The following STAG1 variants were observed in gnomAD, a reference collection of about 807,000 sequenced individuals.
STAG1 encodes cohesin subunit SA-1.
In STAG1, 26 loss-of-function variants were observed where a neutral mutation model predicts 170.9. The ratio of observed to expected loss-of-function variants is 0.15; its 90% CI spans 0.11 to 0.21. The LOEUF (loss-of-function observed/expected upper bound fraction) is 0.21, where lower values mean the gene tolerates loss of function less well. Among genes scored for constraint, STAG1 ranks in the 10% least tolerant of loss-of-function variants. The probability of loss-of-function intolerance (pLI) is 1.00; values close to 1 mark genes in which losing one functional copy is unlikely to be tolerated. For missense variants in STAG1, 964 were observed against 1,509.5 expected (o/e 0.64, Z 5.99); for synonymous variants, 514 against 497.7 (o/e 1.03, Z -0.44).
At chr3:136,419,278 A>T (rs1428360336) in intron 20 of STAG1, among the ~76,000 whole-genome samples, 1 of 152,174 alleles carries the variant, frequency 6.6e-6, no homozygotes, top group Non-Finnish European at 1.5e-5. Flanking sequence ...AAAGGCTTAG[A>T]TTTTGGAAAC....
intron 6 of STAG1, among the ~76,000 whole-genome samples, chr3:136,531,765 T>G (rs1174092200): frequency 5.3e-4 from 32 of 60,494 alleles, no homozygotes; most frequent in Admixed American, 5.9e-4. Context: ...TGTTGTGGGG[T>G]GCGGGGAGGG....
At chr3:136,742,702 A>G (rs28489907) in intron 1 of STAG1, among the ~76,000 whole-genome samples, 58,798 of 149,392 alleles carry the variant, frequency 0.39, 12,487 homozygotes, top group African/African-American at 0.55. Context: ...GTGACAGAGC[A>G]AGACTCCATC....
At chr3:136,531,062 G>A (rs1313793603) in intron 6 of STAG1, among the ~76,000 whole-genome samples, 6 of 152,156 alleles carry the variant, frequency 3.9e-5, no homozygotes, top group East Asian at 1.9e-4. Flanking sequence ...CCGAGATCAC[G>A]CACTGCACTC....
chr3:136,459,309 A>G (rs1489188062), intron 13 of STAG1, among the ~76,000 whole-genome samples: 1 of 152,180 alleles, frequency 6.6e-6, no homozygotes, highest in Non-Finnish European at 1.5e-5. Flanking sequence ...TGACAAGAGG[A>G]TATAACAATT....
chr3:136,669,909 A>G (rs1021808136), intron 1 of STAG1, among the ~76,000 whole-genome samples: 3 of 152,276 alleles, frequency 2.0e-5, no homozygotes, highest in African/African-American at 4.8e-5. Flanking sequence ...TCCATATACC[A>G]TAATAGTTAA....
intron 9 of STAG1, among the ~76,000 whole-genome samples, chr3:136,485,436 GAC>G (rs1180859005): frequency 1.3e-5 from 2 of 152,044 alleles, no homozygotes; most frequent in Non-Finnish European, 1.5e-5. Flanking sequence ...CAGCCTGGGT[GAC>G]AGAGTGAGAT....
At chr3:136,692,313 C>CAAAAAAAA (rs71157399) in intron 1 of STAG1, among the ~76,000 whole-genome samples, 1 of 46,228 alleles carries the variant, frequency 2.2e-5, no homozygotes, top group African/African-American at 1.0e-4. Flanking sequence ...GACTCCATCT[C>CAAAAAAAA]AAAAAAAAAA....
intron 14 of STAG1, among the ~76,000 whole-genome samples, chr3:136,450,232 T>C (rs888411147): frequency 3.3e-5 from 5 of 152,326 alleles, no homozygotes; most frequent in East Asian, 1.9e-4. Context: ...GTATGCAAAG[T>C]GTGATCCTTG....
At chr3:136,693,855 T>G (rs1942801411) in intron 1 of STAG1, among the ~76,000 whole-genome samples, 1 of 152,096 alleles carries the variant, frequency 6.6e-6, no homozygotes, top group South Asian at 2.1e-4. Flanking sequence ...TTACAGGCAT[T>G]AGCCACCATG....
At chr3:136,516,379 G>A (rs1486148255) in intron 7 of STAG1, among the ~76,000 whole-genome samples, 1 of 152,028 alleles carries the variant, frequency 6.6e-6, no homozygotes, top group Non-Finnish European at 1.5e-5. Flanking sequence ...GTGGTGGCAT[G>A]CACCTGTGGT....
chr3:136,714,970 AT>A (rs1943493238), intron 1 of STAG1, among the ~76,000 whole-genome samples: 1 of 109,034 alleles, frequency 9.2e-6, no homozygotes, highest in East Asian at 2.2e-4. Flanking sequence ...TATATTTTAT[AT>A]ATATATTTTT....
At chr3:136,679,756 G>C (rs1273871707) in intron 1 of STAG1, among the ~76,000 whole-genome samples, 2 of 149,788 alleles carry the variant, frequency 1.3e-5, no homozygotes, top group Middle Eastern at 3.5e-3. Flanking sequence ...AAAAAAATCA[G>C]CCGGGCATGG....
At chr3:136,399,214 T>G (rs1221379815) in intron 21 of STAG1, among the ~76,000 whole-genome samples, 2 of 152,200 alleles carry the variant, frequency 1.3e-5, no homozygotes, top group Non-Finnish European at 1.5e-5. Flanking sequence ...AATTTCTACT[T>G]CTTTTAAAGT....
chr3:136,349,138 T>TAATTTGTGTA lies in STAG1; in HGVS notation c.3271+19_3271+20insTACACAAATT. ...TTAAAACCAGGCAAATTGTTTCTTA[T>TAATTTGTGTA]AGTGTAAAGGCAGACTTACCTTCTA... On this transcript the variant is annotated intron_variant, in intron 29 of 33. Coordinates refer to ENST00000383202, the MANE Select transcript of STAG1 (RefSeq NM_005862.3). 6.3e-7 allele frequency: 1 copy of TAATTTGTGTA among 1,581,400 alleles called. No homozygotes were observed. Among genetic ancestry groups the TAATTTGTGTA allele is most frequent in the Non-Finnish European group, 8.7e-7 (1 of 1,150,456 alleles).
intron 9 of STAG1, among the ~76,000 whole-genome samples, chr3:136,477,806 T>C (rs1465827137): frequency 6.6e-6 from 1 of 152,146 alleles, no homozygotes; most frequent in Non-Finnish European, 1.5e-5. Flanking sequence ...AAAAAATTAT[T>C]ATTAAATGGA....
intron 27 of STAG1, 73 bp downstream of exon 27, chr3:136,359,075 G>T: frequency 2.5e-6 from 3 of 1,186,230 alleles, no homozygotes; most frequent in Non-Finnish European, 3.5e-6. Context: ...TTTAAAAATG[G>T]GTCATATAAG....
At chr3:136,734,094 G>A (rs1417647698) in intron 1 of STAG1, among the ~76,000 whole-genome samples, 6 of 141,236 alleles carry the variant, frequency 4.2e-5, no homozygotes, top group African/African-American at 1.3e-4. Context: ...GAGACAGTGC[G>A]AGAGACTCCA....
intron 30 of STAG1, among the ~76,000 whole-genome samples, chr3:136,342,408 T>C (rs577230714): frequency 8.5e-5 from 13 of 152,188 alleles, no homozygotes; most frequent in Non-Finnish European, 1.6e-4. Flanking sequence ...AACCTCTGCC[T>C]CCCAGGCTCC....
chr3:136,730,878 T>C (rs1406068844), intron 1 of STAG1, among the ~76,000 whole-genome samples: 3 of 152,214 alleles, frequency 2.0e-5, no homozygotes, highest in Non-Finnish European at 2.9e-5. Flanking sequence ...ATTCTTAAAC[T>C]TCAGCCTACA....
Sources: gnomAD v4.1 joint callset for allele counts (sites outside exome capture counted in the v4.1 genomes callset) on GRCh38, gnomAD v4.1.1 for gene constraint, MANE v1.5 for transcripts, NCBI Gene and HGNC (gene_info 2026-07-23, HGNC 2026-07-21) for gene names.